The following SLC24A2 variants were observed in gnomAD, a reference collection of about 807,000 sequenced individuals.
The protein encoded by SLC24A2 is solute carrier family 24 member 2, also known as sodium/potassium/calcium exchanger 2.
A neutral mutation model predicts 62.0 loss-of-function variants in SLC24A2; 36 were observed. That is an observed-to-expected ratio of 0.58 (90% CI 0.44 to 0.77). The LOEUF is 0.77. Among genes scored for constraint, SLC24A2 ranks in the 30% least tolerant of loss-of-function variants. The pLI is 0.00. For synonymous variants in SLC24A2, 358 were observed against 294.0 expected (o/e 1.22, Z -2.23); for missense variants, 846 against 817.9 (o/e 1.03, Z -0.42).
chr9:19,710,489 G>A (rs1820682638), intron 2 of SLC24A2, among the ~76,000 whole-genome samples: 1 of 152,118 alleles, frequency 6.6e-6, no homozygotes, highest in South Asian at 2.1e-4. Context: ...GTCTCGGCCA[G>A]GAATAGCTGA....
At chr9:19,849,663 T>C in the SLC24A2 span, among the ~76,000 whole-genome samples, 1 of 152,356 alleles carries the variant, frequency 6.6e-6, no homozygotes, top group African/African-American at 2.4e-5. Context: ...GTGTAGGCTA[T>C]AGCCTAGAAA....
chr9:20,042,790 C>T, the SLC24A2 span, among the ~76,000 whole-genome samples: 6 of 152,132 alleles, frequency 3.9e-5, no homozygotes, highest in African/African-American at 1.4e-4. Flanking sequence ...TTTGATAATG[C>T]TTGCAATATT....
the SLC24A2 span, among the ~76,000 whole-genome samples, chr9:19,956,441 G>C: frequency 6.6e-6 from 1 of 152,142 alleles, no homozygotes; most frequent in Non-Finnish European, 1.5e-5. Flanking sequence ...TGGCTTTTTG[G>C]TTGTGATTAG....
At chr9:19,900,934 A>C in the SLC24A2 span, among the ~76,000 whole-genome samples, 1 of 152,202 alleles carries the variant, frequency 6.6e-6, no homozygotes. Flanking sequence ...TAGACAACAA[A>C]CTCAATTTAA....
intron 2 of SLC24A2, among the ~76,000 whole-genome samples, chr9:19,707,050 G>A (rs561541377): frequency 4.4e-4 from 66 of 150,338 alleles, no homozygotes; most frequent in Admixed American, 1.2e-3. Context: ...TCAAATAGAC[G>A]CAATAAAAAA....
the SLC24A2 span, among the ~76,000 whole-genome samples, chr9:20,233,218 G>T: frequency 0.047 from 7,213 of 152,268 alleles, 513 homozygotes; most frequent in African/African-American, 0.16. Flanking sequence ...TTGGAGTGGA[G>T]AATTCTGTAG....
At chr9:20,082,937 T>C in the SLC24A2 span, among the ~76,000 whole-genome samples, 1 of 152,256 alleles carries the variant, frequency 6.6e-6, no homozygotes, top group African/African-American at 2.4e-5. Flanking sequence ...CTCTCCTCTC[T>C]GAATTATTCT....
chr9:20,283,033 C>T, the SLC24A2 span, among the ~76,000 whole-genome samples: 25 of 152,272 alleles, frequency 1.6e-4, 1 homozygote, highest in South Asian at 5.0e-3. Context: ...TCTTCCCTTC[C>T]CTCCCATCTC....
chr9:19,727,611 T>C (rs1358172144), intron 2 of SLC24A2, among the ~76,000 whole-genome samples: 1 of 152,198 alleles, frequency 6.6e-6, no homozygotes, highest in East Asian at 1.9e-4. Flanking sequence ...GTTTGTTGGA[T>C]GAATGAATAT....
the SLC24A2 span, among the ~76,000 whole-genome samples, chr9:20,188,269 C>T: frequency 6.6e-6 from 1 of 152,256 alleles, no homozygotes; most frequent in East Asian, 1.9e-4. Context: ...CTTGGAGTTC[C>T]CATCTTGGGT....
chr9:20,063,263 C>A, the SLC24A2 span, among the ~76,000 whole-genome samples: 1 of 151,212 alleles, frequency 6.6e-6, no homozygotes, highest in Non-Finnish European at 1.5e-5. Flanking sequence ...CAATGATAGA[C>A]TGGATTAAGA....
chr9:20,021,281 A>G, the SLC24A2 span, among the ~76,000 whole-genome samples: 2 of 152,008 alleles, frequency 1.3e-5, no homozygotes, highest in Non-Finnish European at 2.9e-5. Flanking sequence ...TGTTCTTAAA[A>G]GTAGTGAGTT....
intron 2 of SLC24A2, among the ~76,000 whole-genome samples, chr9:19,748,437 G>C (rs1821894287): frequency 6.6e-6 from 1 of 152,170 alleles, no homozygotes; most frequent in Non-Finnish European, 1.5e-5. Context: ...CATTGATGTA[G>C]TGGGGTAAGT....
chr9:20,107,911 C>A, the SLC24A2 span, among the ~76,000 whole-genome samples: 1 of 152,020 alleles, frequency 6.6e-6, no homozygotes, highest in African/African-American at 2.4e-5. Context: ...AACAGGCAAC[C>A]TACAAAATGG....
chr9:19,538,621 G>A (rs1834089821), intron 8 of SLC24A2, among the ~76,000 whole-genome samples: 1 of 86,066 alleles, frequency 1.2e-5, no homozygotes. Context: ...TTTTATTGAG[G>A]ATTTTTGCAT....
the SLC24A2 span, among the ~76,000 whole-genome samples, chr9:20,157,970 CA>C: frequency 7.9e-5 from 12 of 151,488 alleles, no homozygotes; most frequent in African/African-American, 2.9e-4. Context: ...AGTAAGCAAA[CA>C]AAAATGTGAG....
At chr9:19,594,959 A>G (rs7033759) in intron 5 of SLC24A2, among the ~76,000 whole-genome samples, 25,042 of 152,104 alleles carry the variant, frequency 0.16, 2,661 homozygotes, top group African/African-American at 0.3. Context: ...GCAACTTTAC[A>G]TGGCTGGATG....
chr9:19,952,626 T>C, the SLC24A2 span, among the ~76,000 whole-genome samples: 1 of 151,856 alleles, frequency 6.6e-6, no homozygotes, highest in South Asian at 2.1e-4. Context: ...TCATATACAT[T>C]GTTGGGTTTG....
chr9:19,789,064 G>A (rs1425055809), upstream of SLC24A2, among the ~76,000 whole-genome samples: 1 of 152,188 alleles, frequency 6.6e-6, no homozygotes, highest in Non-Finnish European at 1.5e-5. Context: ...GGCGCTCCGA[G>A]TCTGGCGCTG....
Sources: allele counts gnomAD v4.1 joint callset (sites outside exome capture counted in the v4.1 genomes callset), GRCh38; gene constraint gnomAD v4.1.1; transcripts MANE v1.5; gene names NCBI Gene and HGNC (gene_info 2026-07-23, HGNC 2026-07-21).